Variants in TENM2 observed in about 807,000 individuals in gnomAD.
The protein encoded by TENM2 is teneurin transmembrane protein 2, also known as teneurin-2.
In TENM2, 52 loss-of-function variants were observed where a neutral mutation model predicts 245.2. The ratio of observed to expected loss-of-function variants is 0.21; its 90% CI spans 0.17 to 0.27. The LOEUF is 0.27. TENM2 is among the 10% of genes least tolerant of loss of function. The probability of loss-of-function intolerance (pLI) is 1.00; values close to 1 mark genes in which losing one functional copy is unlikely to be tolerated. For synonymous variants in TENM2, 1,363 were observed against 1,438.9 expected, an observed-to-expected ratio of 0.95 and a Z score of 1.19; for missense variants, 3,046 against 3,666.8, an observed-to-expected ratio of 0.83 and a Z score of 4.37.
intron 2 of TENM2, among the ~76,000 whole-genome samples, chr5:167,835,960 A>AT (rs1287577704): frequency 1.3e-5 from 2 of 152,116 alleles, no homozygotes; most frequent in Non-Finnish European, 2.9e-5. Flanking sequence ...AAAGGACTGT[A>AT]TTTTTTTAAA....
chr5:168,188,413 G>A (rs771227026), intron 13 of TENM2, among the ~76,000 whole-genome samples: 6 of 152,174 alleles, frequency 3.9e-5, no homozygotes, highest in African/African-American at 9.7e-5. Context: ...GCTCCCAGCC[G>A]AGTGAATAAG....
At chr5:167,562,818 G>A (rs1773679238) in intron 2 of TENM2, among the ~76,000 whole-genome samples, 3 of 152,070 alleles carry the variant, frequency 2.0e-5, no homozygotes, top group African/African-American at 7.2e-5. Flanking sequence ...TTAGCCAGGC[G>A]TGTTGGCAGG....
chr5:167,656,184 C>T (rs530460245), intron 2 of TENM2, among the ~76,000 whole-genome samples: 58 of 152,192 alleles, frequency 3.8e-4, no homozygotes, highest in African/African-American at 1.2e-3. Context: ...CCAGAATTTG[C>T]ACACTCCATA....
chr5:168,222,791 GCTGT>G lies in TENM2; in HGVS notation c.5109-3294_5109-3291del, dbSNP rs1304213186. ...GCACCTATTACTCACCATCTGACAT[GCTGT>G]CTATTTTCTATCTTGGTTTAGTTTT... is the stretch of plus-strand genomic sequence containing the variant. On this transcript the variant is annotated intron_variant, in intron 23 of 28. Transcript: ENST00000518659. Among the ~76,000 whole-genome samples, 5 of 152,102 alleles carry G rather than the reference GCTGT, an allele frequency of 3.3e-5. No homozygotes were observed. The East Asian group carries it at 5.8e-4, about 18-fold the overall frequency.
At chr5:168,093,783 T>C (rs1023730834) in intron 8 of TENM2, among the ~76,000 whole-genome samples, 11 of 152,266 alleles carry the variant, frequency 7.2e-5, no homozygotes, top group African/African-American at 2.6e-4. Context: ...ACTGATAATA[T>C]CTTAAAAATA....
intron 3 of TENM2, among the ~76,000 whole-genome samples, chr5:167,927,947 T>G (rs979323461): frequency 4.6e-5 from 7 of 152,176 alleles, no homozygotes; most frequent in South Asian, 2.1e-4. Context: ...AAAGGCATAC[T>G]GTAGGAAGAC....
In TENM2 at chr5:167,660,847, A is replaced by T. The variant is rs530759706; in HGVS notation, c.503-215139A>T. ...ATGTATCAGCCATATTTATTCATTC[A>T]TCATTTATTCAGCAAGTATTTGAAG... On this transcript the variant is annotated intron_variant, in intron 2 of 28. Coordinates refer to ENST00000518659, the Ensembl canonical transcript of TENM2. Among the ~76,000 whole-genome samples, 128 of 152,290 alleles carry T rather than the reference A, an allele frequency of 8.4e-4. 1 individual carries two copies. Among genetic ancestry groups the T allele is most frequent in the Middle Eastern group, 3.4e-3 (1 of 294 alleles).
At chr5:168,204,406 C>T (rs1317667169) in exon 19 of TENM2, 1 of 1,613,978 alleles carries the variant, frequency 6.2e-7, no homozygotes, top group Non-Finnish European at 8.5e-7. Flanking sequence ...AAAACCAGTT[C>T]CTGACCCAGC....
chr5:167,657,727 A>G (rs918438703), intron 2 of TENM2, among the ~76,000 whole-genome samples: 22 of 152,228 alleles, frequency 1.4e-4, no homozygotes, highest in African/African-American at 4.6e-4. Context: ...TGGGCTGAGT[A>G]AACATAGGCT....
the TENM2 span, among the ~76,000 whole-genome samples, chr5:167,216,088 A>C: frequency 6.6e-6 from 1 of 152,180 alleles, no homozygotes; most frequent in African/African-American, 2.4e-5. Flanking sequence ...GTCCAGTGTT[A>C]CTTTCCTTCG....
chr5:167,790,775 G>A (rs534891738), intron 2 of TENM2, among the ~76,000 whole-genome samples: 1 of 152,106 alleles, frequency 6.6e-6, no homozygotes, highest in South Asian at 2.1e-4. Flanking sequence ...CTCCGCATAG[G>A]ATCCCTGCAA....
intron 2 of TENM2, among the ~76,000 whole-genome samples, chr5:167,589,627 TGAA>T (rs1039201637): frequency 7.9e-5 from 12 of 152,212 alleles, no homozygotes; most frequent in African/African-American, 2.4e-4. Flanking sequence ...GAAAAAAAAT[TGAA>T]GAGAATAAAA....
At chr5:168,027,900 G>A (rs1162811465) in intron 5 of TENM2, among the ~76,000 whole-genome samples, 1 of 152,182 alleles carries the variant, frequency 6.6e-6, no homozygotes, top group Non-Finnish European at 1.5e-5. Context: ...GATTTATGTG[G>A]TAGTAAGAAG....
At chr5:167,872,484 A>AAGAG (rs1561880874) in intron 2 of TENM2, among the ~76,000 whole-genome samples, 3 of 99,654 alleles carry the variant, frequency 3.0e-5, no homozygotes, top group Non-Finnish European at 4.1e-5. Flanking sequence ...GAAAGAAAGA[A>AAGAG]AAAGAAAGAA....
chr5:167,095,773 T>C, the TENM2 span, among the ~76,000 whole-genome samples: 1 of 150,628 alleles, frequency 6.6e-6, no homozygotes, highest in Non-Finnish European at 1.5e-5. Context: ...CCTTTCTTTT[T>C]TTTTTTTTTT....
At chr5:167,266,188 A>G in the TENM2 span, among the ~76,000 whole-genome samples, 1 of 152,168 alleles carries the variant, frequency 6.6e-6, no homozygotes, top group Non-Finnish European at 1.5e-5. Flanking sequence ...ATTGTCACTA[A>G]TCATCTCAAG....
At chr5:167,293,137 C>T (rs1301291125) in intron 1 of TENM2, among the ~76,000 whole-genome samples, 1 of 152,154 alleles carries the variant, frequency 6.6e-6, no homozygotes, top group Non-Finnish European at 1.5e-5. Context: ...GCCTGGTGGC[C>T]TGAACTAGGA....
chr5:167,321,696 G>T (rs185243490), intron 1 of TENM2, among the ~76,000 whole-genome samples: 3 of 150,992 alleles, frequency 2.0e-5, no homozygotes, highest in African/African-American at 4.9e-5. Context: ...ATGAGCTCTA[G>T]GTTAGTTTTA....
chr5:167,949,273 C>T (rs1485259337), intron 3 of TENM2, among the ~76,000 whole-genome samples: 1 of 152,138 alleles, frequency 6.6e-6, no homozygotes, highest in Non-Finnish European at 1.5e-5. Context: ...TGAGGGGATA[C>T]AGACTCCATA....
Sources: gnomAD v4.1 joint callset for allele counts (sites outside exome capture counted in the v4.1 genomes callset) on GRCh38, gnomAD v4.1.1 for gene constraint, MANE v1.5 for transcripts, NCBI Gene and HGNC (gene_info 2026-07-23, HGNC 2026-07-21) for gene names.